CDH11: variants seen among roughly 807,000 people sequenced by gnomAD.
CDH11 encodes cadherin-11.
Under a neutral mutation model 67.8 loss-of-function variants are expected in CDH11, and 11 were observed. That is an observed-to-expected ratio of 0.16 (90% CI 0.10 to 0.27). CDH11 has a LOEUF of 0.27. CDH11 is among the 10% of genes least tolerant of loss of function. The pLI, the probability that CDH11 is intolerant of heterozygous loss-of-function variation, is 1.00. For synonymous variants in CDH11, 419 were observed against 400.0 expected (o/e 1.05, Z -0.57); for missense variants, 847 against 1,031.2 (o/e 0.82, Z 2.45).
intron 2 of CDH11, among the ~76,000 whole-genome samples, chr16:65,028,757 A>G (rs2073582424): frequency 1.3e-5 from 2 of 152,160 alleles, no homozygotes; most frequent in African/African-American, 4.8e-5. Flanking sequence ...AGCCATTAAC[A>G]TCTTCCTACA....
At chr16:65,105,014 C>T (rs961750163) in intron 1 of CDH11, among the ~76,000 whole-genome samples, 2 of 152,184 alleles carry the variant, frequency 1.3e-5, no homozygotes, top group Non-Finnish European at 1.5e-5. Flanking sequence ...GCTTTAAAAT[C>T]AGTTCCTGCA....
intron 1 of CDH11, among the ~76,000 whole-genome samples, chr16:65,120,793 G>A (rs540944860): frequency 1.3e-5 from 2 of 152,240 alleles, no homozygotes; most frequent in South Asian, 2.1e-4. Context: ...CGAAAGCAGG[G>A]CCTCGGCAAA....
rs879047883 is a variant in CDH11, at chr16:64,971,481, C to T, written c.1642+98G>A. The T allele has an allele frequency of 3.1e-5, 22 of 703,368 alleles. No individual in the cohort carries two copies. In the South Asian group the frequency reaches 4.1e-4, roughly 13 times the overall value. The allele number at this position is 703,368 out of a possible 1,614,324, so 43.6% of individuals were successfully genotyped here. ...TCCGGTTTCTTCTTCAACAGGAAGA[C>T]ATTATAAAGATTAGTGAAAATACTT... On this transcript the variant is annotated intron_variant, in intron 11 of 12. Transcript: ENST00000268603.
intron 2 of CDH11, among the ~76,000 whole-genome samples, chr16:65,007,943 G>A (rs908145268): frequency 6.6e-6 from 1 of 152,116 alleles, no homozygotes; most frequent in Non-Finnish European, 1.5e-5. Flanking sequence ...GGAAACTCAA[G>A]AAGAAGAAAG....
In CDH11 at chr16:65,121,179, G is replaced by A. The variant is rs1293217915; in HGVS notation, c.-298+701C>T. ...CGCTCATGGACCTACTCCTGCGCTG[G>A]TGGGAGCTTACAAACGGGCGCCAGA... is the stretch of plus-strand genomic sequence containing the variant. On this transcript the variant is annotated intron_variant, in intron 1 of 12. Transcript: ENST00000268603. This position sits in a 1 kb window ranked among gnomAD's most constrained non-coding sequence, Gnocchi z 4.1. Among the ~76,000 whole-genome samples, 1 of 152,216 alleles carries A rather than the reference G, an allele frequency of 6.6e-6. No homozygotes were observed. The highest frequency in any genetic ancestry group is 1.5e-5 in the Non-Finnish European group (1 of 68,046).
intron 3 of CDH11, among the ~76,000 whole-genome samples, chr16:65,001,424 A>T (rs1375304343): frequency 3.3e-5 from 5 of 152,128 alleles, no homozygotes; most frequent in African/African-American, 1.2e-4. Context: ...CCGCCATCTT[A>T]GGGGAGGCTT....
At chr16:64,981,777 C>G in intron 8 of CDH11, 1 of 336,740 alleles carries the variant, frequency 3.0e-6, no homozygotes, top group Non-Finnish European at 5.3e-6. Flanking sequence ...CTGAGGCAGA[C>G]AGGCCCAGCT....
Position 64,946,051 on chromosome 16 carries a change from A to G in CDH11, c.*1552T>C. On this transcript the variant is annotated 3_prime_UTR_variant, in exon 13 of 13. Transcript: ENST00000268603. Reference sequence around the variant, plus strand: ...AACTAGCTGGAATGCAGGGGACTGTAGACACACTCCTGGACCAAATGGCAT... The same window carrying G: ...AACTAGCTGGAATGCAGGGGACTGTGGACACACTCCTGGACCAAATGGCAT... 17 of 1,058,788 alleles carry G rather than the reference A, an allele frequency of 1.6e-5. No individual in the cohort carries two copies. Among genetic ancestry groups the G allele is most frequent in the South Asian group, 4.6e-5 (1 of 21,914 alleles). 65.6% of individuals were successfully genotyped at this position (1,058,788 alleles called of 1,614,324 possible). A position where few individuals can be genotyped will look rare whatever the true frequency, so the allele number is the denominator to read the frequency against.
At chr16:65,019,700 G>T (rs895783182) in intron 2 of CDH11, among the ~76,000 whole-genome samples, 1 of 152,052 alleles carries the variant, frequency 6.6e-6, no homozygotes, top group Admixed American at 6.6e-5. Flanking sequence ...TATGGGCCCA[G>T]ATTTTGTATC....
chr16:64,974,339 C>T (rs1013951744), intron 8 of CDH11, among the ~76,000 whole-genome samples: 8 of 152,050 alleles, frequency 5.3e-5, no homozygotes, highest in Admixed American at 4.6e-4. Context: ...CCAAAATTTA[C>T]AAAATGAGTA....
chr16:65,082,403 G>A (rs2074625826), intron 1 of CDH11, among the ~76,000 whole-genome samples: 1 of 152,186 alleles, frequency 6.6e-6, no homozygotes, highest in African/African-American at 2.4e-5. Context: ...TAGTGTCTGA[G>A]CATATGTGAG....
chr16:65,101,618 C>G (rs1317345389), intron 1 of CDH11, among the ~76,000 whole-genome samples: 4 of 152,128 alleles, frequency 2.6e-5, no homozygotes, highest in Non-Finnish European at 4.4e-5. Flanking sequence ...ATACCAAGAC[C>G]ATCACTACCA....
chr16:65,028,941 G>T (rs1316316406), intron 2 of CDH11, among the ~76,000 whole-genome samples: 1 of 152,136 alleles, frequency 6.6e-6, no homozygotes, highest in Non-Finnish European at 1.5e-5. Context: ...GGGGAAAATA[G>T]GGAGTTCTTT....
intron 2 of CDH11, among the ~76,000 whole-genome samples, chr16:65,042,236 A>T (rs188068474): frequency 6.6e-6 from 1 of 152,336 alleles, no homozygotes; most frequent in Non-Finnish European, 1.5e-5. Flanking sequence ...CCATGGGGAA[A>T]ACAGACAATA....
chr16:65,075,410 C>T lies in CDH11; in HGVS notation c.-297-21482G>A, dbSNP rs763868504. On this transcript the variant is annotated intron_variant, in intron 1 of 12. Coordinates refer to ENST00000268603, the MANE Select transcript of CDH11 (RefSeq NM_001797.4). ...GGCTCTCTTCATCAAATCCTACTTA[C>T]GGGACCATCTGTGTCCCTGACCATG... 7.9e-5 allele frequency among the ~76,000 whole-genome samples: 12 copies of T among 152,312 alleles called. No homozygotes were observed. In the South Asian group the frequency reaches 8.3e-4, roughly 11 times the overall value.
chr16:65,103,069 T>A (rs1483716945), intron 1 of CDH11, among the ~76,000 whole-genome samples: 1 of 152,186 alleles, frequency 6.6e-6, no homozygotes, highest in South Asian at 2.1e-4. Context: ...TGCAGGTGCC[T>A]ACCACATGGC....
Position 64,976,258 on chromosome 16 carries a change from C to A in CDH11, c.1254-3218G>T, listed in dbSNP as rs139175934. Among the ~76,000 whole-genome samples the A allele has an allele frequency of 2.2e-3, 341 of 152,168 alleles. 3 individuals carry two copies. The highest frequency in any genetic ancestry group is 7.5e-3 in the African/African-American group (313 of 41,516). On this transcript the variant is annotated intron_variant, in intron 8 of 12. Coordinates refer to ENST00000268603, the MANE Select transcript of CDH11 (RefSeq NM_001797.4). Reference sequence around the variant, plus strand: ...CACAGAGAGAAGGACCAAGTCAATGCCTGGACAGGGATCAAAGACTAGTGA... The same window carrying A: ...CACAGAGAGAAGGACCAAGTCAATGACTGGACAGGGATCAAAGACTAGTGA...
intron 2 of CDH11, among the ~76,000 whole-genome samples, chr16:65,019,598 C>T (rs2073381297): frequency 6.6e-6 from 1 of 151,956 alleles, no homozygotes; most frequent in Admixed American, 6.6e-5. Context: ...ATTCGTTTGA[C>T]CATAGGTAAG....
rs763504848 is a variant in CDH11 at position 64,998,553 on chromosome 16, C to T, written c.523+9G>A. 5.6e-6 allele frequency: 9 copies of T among 1,612,678 alleles called. No homozygotes were observed. The highest frequency in any genetic ancestry group is 1.3e-5 in the African/African-American group (1 of 75,002). Reference sequence around the variant, plus strand: ...TGGAAGCAGAGCAGGCCTCCCACACCGTACGCACCCACATTGGACCTCTCA... The same window carrying T: ...TGGAAGCAGAGCAGGCCTCCCACACTGTACGCACCCACATTGGACCTCTCA... On this transcript the variant is annotated intron_variant, in intron 4 of 12. Transcript: ENST00000268603.
Sources: gnomAD v4.1 joint callset for allele counts (sites outside exome capture counted in the v4.1 genomes callset) on GRCh38, gnomAD v4.1.1 for gene constraint, Gnocchi (gnomAD v3.1) non-coding constraint, MANE v1.5 for transcripts, NCBI Gene and HGNC (gene_info 2026-07-23, HGNC 2026-07-21) for gene names.